Variants in ADK observed in about 807,000 individuals in gnomAD.
The protein encoded by ADK is N6,N6-dimethyladenosine kinase.
ADK carries 24 observed loss-of-function variants against 44.7 expected under a neutral mutation model. The ratio of observed to expected loss-of-function variants is 0.54; its 90% CI spans 0.39 to 0.76. The LOEUF (loss-of-function observed/expected upper bound fraction) is 0.76. ADK is among the 30% of genes least tolerant of loss of function. The probability of loss-of-function intolerance (pLI) is 0.00; values close to 1 mark genes in which losing one functional copy is unlikely to be tolerated. For missense variants in ADK, 321 were observed against 425.1 expected, an observed-to-expected ratio of 0.76 and a Z score of 2.15; for synonymous variants, 128 against 142.6, an observed-to-expected ratio of 0.90 and a Z score of 0.73.
intron 9 of ADK, among the ~76,000 whole-genome samples, chr10:74,614,717 C>T (rs1159577703): frequency 6.6e-6 from 1 of 152,074 alleles, no homozygotes; most frequent in African/African-American, 2.4e-5. Flanking sequence ...ATCCCCCGGG[C>T]TCACGTTGTA....
chr10:74,539,200 AT>A (rs1291476054), intron 7 of ADK, among the ~76,000 whole-genome samples: 1 of 152,058 alleles, frequency 6.6e-6, no homozygotes, highest in Non-Finnish European at 1.5e-5. Context: ...TTATTTATTT[AT>A]TATCAGTTAG....
intron 3 of ADK, among the ~76,000 whole-genome samples, chr10:74,290,751 A>T: frequency 6.6e-6 from 1 of 152,048 alleles, no homozygotes; most frequent in Non-Finnish European, 1.5e-5. Flanking sequence ...TTTAAATTTA[A>T]TTTTTCCTGT....
intron 3 of ADK, among the ~76,000 whole-genome samples, chr10:74,303,588 G>GTTGTTTTTTTTTTTTTTTTT (rs1840139803): frequency 1.0e-4 from 7 of 68,576 alleles, no homozygotes; most frequent in African/African-American, 5.5e-4. Flanking sequence ...TTTTAATGTT[G>GTTGTTTTTTTTTTTTTTTTT]TTTTTTTTTT....
At chr10:74,543,011 C>G (rs1268522579) in intron 7 of ADK, among the ~76,000 whole-genome samples, 1 of 151,906 alleles carries the variant, frequency 6.6e-6, no homozygotes, top group Non-Finnish European at 1.5e-5. Flanking sequence ...AGGGATTCTC[C>G]TGCCTCAGCC....
chr10:74,185,823 C>T (rs1239584856), intron 1 of ADK, among the ~76,000 whole-genome samples: 2 of 127,124 alleles, frequency 1.6e-5, no homozygotes, highest in East Asian at 2.5e-4. Context: ...GGCGACAAAG[C>T]GAGACTCCGT....
chr10:74,274,892 G>A (rs942474797), intron 3 of ADK, among the ~76,000 whole-genome samples: 8 of 151,518 alleles, frequency 5.3e-5, no homozygotes, highest in African/African-American at 1.9e-4. Context: ...GTACCTGACT[G>A]GAGGAACTAC....
chr10:74,515,065 T>TG (rs1848510485), intron 6 of ADK, among the ~76,000 whole-genome samples: 1 of 152,186 alleles, frequency 6.6e-6, no homozygotes, highest in Non-Finnish European at 1.5e-5. Flanking sequence ...ACGGTTGATG[T>TG]GTCCCTGTGT....
intron 6 of ADK, among the ~76,000 whole-genome samples, chr10:74,491,569 G>A (rs1299736788): frequency 2.0e-5 from 3 of 152,096 alleles, no homozygotes; most frequent in Admixed American, 6.5e-5. Flanking sequence ...TAAAATACTT[G>A]ACCTCCTGGC....
At chr10:74,301,513 CAAAAAAA>C (rs34310248) in intron 3 of ADK, among the ~76,000 whole-genome samples, 11 of 56,750 alleles carry the variant, frequency 1.9e-4, no homozygotes, top group Admixed American at 5.2e-4. Context: ...GACTCTGTCT[CAAAAAAA>C]AAAAAAAAAA....
intron 6 of ADK, among the ~76,000 whole-genome samples, chr10:74,407,710 T>C (rs544466929): frequency 6.6e-6 from 1 of 152,318 alleles, no homozygotes; most frequent in East Asian, 1.9e-4. Context: ...ACTACTTGAC[T>C]CTATTTAGGT....
chr10:74,660,729 C>CAAAAA (rs747443907), intron 9 of ADK, among the ~76,000 whole-genome samples: 1 of 92,888 alleles, frequency 1.1e-5, no homozygotes, highest in Non-Finnish European at 2.0e-5. Context: ...GACCCTGTCT[C>CAAAAA]AAAAAAAAAA....
chr10:74,217,973 C>T (rs535823122), intron 2 of ADK, among the ~76,000 whole-genome samples: 1 of 152,316 alleles, frequency 6.6e-6, no homozygotes, highest in Admixed American at 6.5e-5. Flanking sequence ...ACCTCTCCTC[C>T]TCCAAAGGAT....
At chr10:74,573,437 C>T (rs1168164794) in intron 7 of ADK, among the ~76,000 whole-genome samples, 2 of 152,234 alleles carry the variant, frequency 1.3e-5, no homozygotes, top group Admixed American at 6.5e-5. Context: ...CCCAGTTAGG[C>T]TGCTCAGGGG....
intron 6 of ADK, among the ~76,000 whole-genome samples, chr10:74,513,138 C>G (rs1293041342): frequency 6.6e-6 from 1 of 152,000 alleles, no homozygotes; most frequent in Non-Finnish European, 1.5e-5. Context: ...ATATTTTGAT[C>G]CTTTAAGAAT....
chr10:74,666,365 C>A (rs1474576194), intron 9 of ADK, among the ~76,000 whole-genome samples: 1 of 152,122 alleles, frequency 6.6e-6, no homozygotes, highest in African/African-American at 2.4e-5. Context: ...CAAAACAAAT[C>A]TGTTATCAAC....
chr10:74,667,212 A>G (rs550312865), intron 9 of ADK, among the ~76,000 whole-genome samples: 1 of 152,138 alleles, frequency 6.6e-6, no homozygotes, highest in African/African-American at 2.4e-5. Flanking sequence ...AAACATAAAT[A>G]TTATTGAAGA....
At chr10:74,270,714 G>A (rs1009111490) in intron 3 of ADK, among the ~76,000 whole-genome samples, 1 of 152,198 alleles carries the variant, frequency 6.6e-6, no homozygotes, top group East Asian at 1.9e-4. Flanking sequence ...TTACAGTAGA[G>A]TCTGGGCATC....
chr10:74,250,681 A>G (rs1221026413), intron 3 of ADK, among the ~76,000 whole-genome samples: 1 of 152,180 alleles, frequency 6.6e-6, no homozygotes, highest in East Asian at 1.9e-4. Context: ...AAAACTTCAT[A>G]ATAGATATGA....
At chr10:74,434,367 T>C (rs1779566084) in intron 6 of ADK, among the ~76,000 whole-genome samples, 1 of 152,090 alleles carries the variant, frequency 6.6e-6, no homozygotes, top group African/African-American at 2.4e-5. Context: ...AATATAAAAT[T>C]TGAGACTATT....
Sources: gnomAD v4.1 joint callset for allele counts (sites outside exome capture counted in the v4.1 genomes callset) on GRCh38, gnomAD v4.1.1 for gene constraint, MANE v1.5 for transcripts, NCBI Gene and HGNC (gene_info 2026-07-23, HGNC 2026-07-21) for gene names.